The following TSPAN18 variants were observed in gnomAD, a reference collection of about 807,000 sequenced individuals.
TSPAN18 encodes tetraspanin-18.
In TSPAN18, 14 loss-of-function variants were observed where a neutral mutation model predicts 27.3. The ratio of observed to expected loss-of-function variants is 0.51; its 90% CI spans 0.34 to 0.80. The LOEUF is 0.80. TSPAN18 is among the 30% of genes least tolerant of loss of function. The pLI is 0.01. For synonymous variants in TSPAN18, 143 were observed against 136.5 expected (o/e 1.05, Z -0.33); for missense variants, 268 against 323.9 (o/e 0.83, Z 1.32).
At chr11:44,835,331 G>C (rs1857242969) in intron 2 of TSPAN18, among the ~76,000 whole-genome samples, 1 of 152,236 alleles carries the variant, frequency 6.6e-6, no homozygotes. Context: ...TGAACCTGCA[G>C]AGGCACAGCA....
intron 5 of TSPAN18, among the ~76,000 whole-genome samples, chr11:44,913,779 C>T (rs1416348627): frequency 2.0e-5 from 3 of 152,196 alleles, no homozygotes; most frequent in Admixed American, 1.3e-4. Context: ...GAAAGTGATG[C>T]AAATTAGAGG....
intron 2 of TSPAN18, among the ~76,000 whole-genome samples, chr11:44,765,617 G>A (rs1443906048): frequency 6.6e-6 from 1 of 152,182 alleles, no homozygotes; most frequent in African/African-American, 2.4e-5. Flanking sequence ...AGGCCTCAGA[G>A]AAGTTAAGTG....
chr11:44,819,904 A>G (rs1352240884), intron 2 of TSPAN18, among the ~76,000 whole-genome samples: 1 of 152,172 alleles, frequency 6.6e-6, no homozygotes, highest in Non-Finnish European at 1.5e-5. Context: ...AGATCCAGGC[A>G]AAGGTGTCTG....
intron 2 of TSPAN18, among the ~76,000 whole-genome samples, chr11:44,790,277 A>C (rs751969600): frequency 6.8e-6 from 1 of 147,876 alleles, no homozygotes; most frequent in Non-Finnish European, 1.5e-5. Flanking sequence ...GTATGTGTGC[A>C]TGTGTTCGTG....
chr11:44,845,836 C>T (rs1857468551), intron 2 of TSPAN18, among the ~76,000 whole-genome samples: 1 of 152,210 alleles, frequency 6.6e-6, no homozygotes, highest in South Asian at 2.1e-4. Flanking sequence ...GTAGGCACCA[C>T]CTGTGCTATT....
intron 3 of TSPAN18, among the ~76,000 whole-genome samples, chr11:44,876,614 A>G (rs146867641): frequency 5.3e-5 from 8 of 152,352 alleles, no homozygotes; most frequent in Admixed American, 1.3e-4. Flanking sequence ...AGCACCATCA[A>G]AGACACGGTA....
At chr11:44,898,625 C>CG (rs1412895468) in intron 3 of TSPAN18, among the ~76,000 whole-genome samples, 1 of 152,212 alleles carries the variant, frequency 6.6e-6, no homozygotes, top group African/African-American at 2.4e-5. Flanking sequence ...ATCTTGCTGC[C>CG]GGGGGACTCT....
intron 1 of TSPAN18, among the ~76,000 whole-genome samples, chr11:44,739,980 C>A (rs572598472): frequency 6.6e-6 from 1 of 152,328 alleles, no homozygotes; most frequent in East Asian, 1.9e-4. Context: ...GTGATGCAGT[C>A]ATTCCCGACT....
At chr11:44,775,925 T>C (rs570684645) in intron 2 of TSPAN18, among the ~76,000 whole-genome samples, 19 of 152,360 alleles carry the variant, frequency 1.2e-4, no homozygotes, top group African/African-American at 4.6e-4. Flanking sequence ...TCTGTTTAAC[T>C]GAGGGTTAAG....
At chr11:44,908,959 A>C (rs1859608373) in intron 4 of TSPAN18, among the ~76,000 whole-genome samples, 1 of 152,150 alleles carries the variant, frequency 6.6e-6, no homozygotes, top group Non-Finnish European at 1.5e-5. Context: ...GCTCAGACAG[A>C]TTTTGACACT....
chr11:44,801,062 G>A (rs1191635110), intron 2 of TSPAN18, among the ~76,000 whole-genome samples: 1 of 152,194 alleles, frequency 6.6e-6, no homozygotes, highest in Non-Finnish European at 1.5e-5. Flanking sequence ...ATCTATGGAT[G>A]ACTGGTTGTA....
At position 44,881,645 on chromosome 11, in the gene TSPAN18, G is replaced by A. The variant is rs186015652; in HGVS notation, c.-11+21176G>A. Among the ~76,000 whole-genome samples the A allele has an allele frequency of 1.5e-4, 23 of 152,314 alleles. No individual in the cohort carries two copies. The East Asian group carries it at 4.1e-3, about 27-fold the overall frequency. ...TAGCCCAGCAATGCAAGTGCCCGCT[G>A]TATGCCAGGCACTGTTCAGACACGC... is the stretch of plus-strand genomic sequence containing the variant. On this transcript the variant is annotated intron_variant, in intron 3 of 9. Transcript: ENST00000520358.
chr11:44,897,646 C>A (rs904226133), intron 3 of TSPAN18: 4 of 629,890 alleles, frequency 6.4e-6, no homozygotes, highest in Non-Finnish European at 1.0e-5. Context: ...GACAGTTGCC[C>A]CGAGTGTGTG....
At chr11:44,839,703 A>G (rs995847075) in intron 2 of TSPAN18, among the ~76,000 whole-genome samples, 2 of 152,048 alleles carry the variant, frequency 1.3e-5, no homozygotes, top group Non-Finnish European at 2.9e-5. Context: ...GACAGGCACC[A>G]TCACTGAACT....
At chr11:44,862,420 G>T (rs1171237850) in intron 3 of TSPAN18, among the ~76,000 whole-genome samples, 1 of 152,236 alleles carries the variant, frequency 6.6e-6, no homozygotes. Flanking sequence ...CTCTCGCTCT[G>T]TGTCTCGCCT....
chr11:44,909,384 TA>T, intron 4 of TSPAN18: 1 of 277,444 alleles, frequency 3.6e-6, no homozygotes, highest in Non-Finnish European at 6.8e-6. Flanking sequence ...GATGACCTCC[TA>T]ATCCTACAGG....
chr11:44,922,117 A>AT (rs10659284), intron 8 of TSPAN18, among the ~76,000 whole-genome samples: 11,466 of 131,298 alleles, frequency 0.087, 821 homozygotes, highest in African/African-American at 0.18. Context: ...CCCAGGATGC[A>AT]TTTTTTTTTT....
intron 1 of TSPAN18, among the ~76,000 whole-genome samples, chr11:44,734,873 C>T (rs553048298): frequency 1.3e-5 from 2 of 152,198 alleles, no homozygotes; most frequent in Non-Finnish European, 2.9e-5. Context: ...TGCTGCCTGA[C>T]ATTTAGGGCT....
chr11:44,831,607 A>ATCATTCAT (rs1857155041), intron 2 of TSPAN18, among the ~76,000 whole-genome samples: 1 of 152,156 alleles, frequency 6.6e-6, no homozygotes, highest in Admixed American at 6.5e-5. Flanking sequence ...GAGCATTTGG[A>ATCATTCAT]TCATTCATTT....
Sources: gnomAD v4.1 joint callset for allele counts (sites outside exome capture counted in the v4.1 genomes callset) on GRCh38, gnomAD v4.1.1 for gene constraint, MANE v1.5 for transcripts, NCBI Gene and HGNC (gene_info 2026-07-23, HGNC 2026-07-21) for gene names.